Variants in TUSC3 observed in about 807,000 individuals in gnomAD.
TUSC3 encodes dolichyl-diphosphooligosaccharide--protein glycosyltransferase subunit TUSC3.
A neutral mutation model predicts 44.8 loss-of-function variants in TUSC3; 45 were observed. That is an observed-to-expected ratio of 1.00 (90% CI 0.79 to 1.29). The LOEUF is 1.29. TUSC3 is among the 50% of genes most tolerant of loss of function. The pLI, the probability that TUSC3 is intolerant of heterozygous loss-of-function variation, is 0.00. For missense variants in TUSC3, 519 were observed against 437.9 expected, an observed-to-expected ratio of 1.19 and a Z score of -1.65; for synonymous variants, 212 against 152.9, an observed-to-expected ratio of 1.39 and a Z score of -2.85.
At chr8:15,700,171 G>C (rs1034227735) in intron 6 of TUSC3, among the ~76,000 whole-genome samples, 1 of 152,142 alleles carries the variant, frequency 6.6e-6, no homozygotes, top group African/African-American at 2.4e-5. Context: ...TCTGGGTCCA[G>C]AAAGCCAGTT....
the TUSC3 span, among the ~76,000 whole-genome samples, chr8:15,812,792 C>A: frequency 0.91 from 138,672 of 151,978 alleles, 63,384 homozygotes; most frequent in East Asian, 0.95. Flanking sequence ...GATTTTATAT[C>A]ATATGAAGAA....
chr8:15,718,825 A>C (rs188684484), intron 6 of TUSC3, among the ~76,000 whole-genome samples: 3 of 152,204 alleles, frequency 2.0e-5, no homozygotes, highest in East Asian at 3.9e-4. Flanking sequence ...TGGACATTAA[A>C]ATAACTAAAT....
In TUSC3 at chr8:15,757,728, G is replaced by T. The variant is rs938813176; in HGVS notation, c.1029-63G>T. ...ATCTTGTAATAATATTGTACAAATG[G>T]AAATTCAATCTTAAGGATTATTTTT... is the stretch of plus-strand genomic sequence containing the variant. On this transcript the variant is annotated intron_variant, in intron 9 of 10. Coordinates refer to ENST00000503731, the MANE Select transcript of TUSC3 (RefSeq NM_006765.4). 7 of 1,474,076 alleles carry T rather than the reference G, an allele frequency of 4.7e-6. No individual in the cohort carries two copies. In the African/African-American group the frequency reaches 9.7e-5, roughly 21 times the overall value. 91.3% of individuals were successfully genotyped at this position (1,474,076 alleles called of 1,614,324 possible). A position where few individuals can be genotyped will look rare whatever the true frequency, so the allele number is the denominator to read the frequency against.
At position 15,764,183 on chromosome 8, in the gene TUSC3, T is replaced by C; in HGVS notation, c.*47-20T>C. 6.3e-7 allele frequency: 1 copy of C among 1,595,816 alleles called. No individual in the cohort carries two copies. Among genetic ancestry groups the C allele is most frequent in the East Asian group, 2.2e-5 (1 of 44,508 alleles). On this transcript the variant is annotated intron_variant, in intron 10 of 10. Coordinates refer to ENST00000503731, the MANE Select transcript of TUSC3 (RefSeq NM_006765.4). ...CTTATGTTCTATGTTCAGCACATAA[T>C]AATTTTCTTTCTTTTTCAGCTTTTT...
chr8:15,484,155 C>G (rs762290094), intron 2 of TUSC3, among the ~76,000 whole-genome samples: 3 of 151,930 alleles, frequency 2.0e-5, no homozygotes, highest in Non-Finnish European at 4.4e-5. Context: ...CATGATTCAC[C>G]TCTTAAATTA....
chr8:15,577,132 GT>G (rs1438749739), intron 1 of TUSC3, among the ~76,000 whole-genome samples: 1 of 146,650 alleles, frequency 6.8e-6, no homozygotes, highest in African/African-American at 2.5e-5. Context: ...GTCTGTTCAT[GT>G]CCTTTGCCCA....
At chr8:15,695,132 G>C (rs943023993) in intron 6 of TUSC3, among the ~76,000 whole-genome samples, 1 of 152,194 alleles carries the variant, frequency 6.6e-6, no homozygotes, top group African/African-American at 2.4e-5. Context: ...GAAAGATCGG[G>C]TACAGGAAGG....
At chr8:15,835,271 A>C in the TUSC3 span, among the ~76,000 whole-genome samples, 1 of 152,170 alleles carries the variant, frequency 6.6e-6, no homozygotes, top group Non-Finnish European at 1.5e-5. Context: ...GATTCTTAGA[A>C]TATCTTCTAT....
At chr8:15,558,218 T>C (rs929888386) in intron 1 of TUSC3, among the ~76,000 whole-genome samples, 1 of 44,790 alleles carries the variant, frequency 2.2e-5, no homozygotes, top group African/African-American at 5.9e-5. Context: ...GCATGAAGGG[T>C]TGTTGAATTT....
At chr8:15,707,834 A>C (rs1186043328) in intron 6 of TUSC3, among the ~76,000 whole-genome samples, 1 of 151,950 alleles carries the variant, frequency 6.6e-6, no homozygotes, top group Non-Finnish European at 1.5e-5. Flanking sequence ...GCTGAAGTAC[A>C]AAATCAAAAG....
chr8:15,726,289 A>T (rs950569399), intron 6 of TUSC3, among the ~76,000 whole-genome samples: 1 of 152,148 alleles, frequency 6.6e-6, no homozygotes, highest in African/African-American at 2.4e-5. Flanking sequence ...TATTAAACAA[A>T]ATATATAATT....
chr8:15,648,599 G>T (rs1177722595), intron 2 of TUSC3, among the ~76,000 whole-genome samples: 1 of 151,504 alleles, frequency 6.6e-6, no homozygotes, highest in African/African-American at 2.4e-5. Flanking sequence ...GGTGGCACAC[G>T]CCTGTAGTCC....
intron 1 of TUSC3, among the ~76,000 whole-genome samples, chr8:15,584,575 CTG>C (rs1803516363): frequency 6.6e-6 from 1 of 152,070 alleles, no homozygotes; most frequent in Non-Finnish European, 1.5e-5. Flanking sequence ...AATAAGAAGT[CTG>C]TATCTCTGAA....
rs762581732 is a variant in TUSC3, at chr8:15,496,090, A to T, written n.189+12607A>T. On this transcript the variant is annotated intron_variant and non_coding_transcript_variant, in intron 2 of 5. Coordinates refer to the TUSC3 transcript ENST00000503191. ...TAATAGACTCAACTTTGTCCTGTAG[A>T]GGAAAGCCACGACCACTAAAATTAG... Among the ~76,000 whole-genome samples, 3 of 152,104 alleles carry T rather than the reference A, an allele frequency of 2.0e-5. No homozygotes were observed. The South Asian group carries it at 6.2e-4, about 32-fold the overall frequency.
At chr8:15,689,246 G>T in intron 6 of TUSC3, 1 of 352,830 alleles carries the variant, frequency 2.8e-6, no homozygotes, top group Non-Finnish European at 5.6e-6. Flanking sequence ...TTTCAGGCTG[G>T]ATGGGAATCG....
intron 1 of TUSC3, among the ~76,000 whole-genome samples, chr8:15,564,515 C>T (rs1202058512): frequency 2.0e-5 from 3 of 152,078 alleles, no homozygotes; most frequent in Non-Finnish European, 4.4e-5. Flanking sequence ...TCTATTTGAA[C>T]ACATTTGTCA....
At chr8:15,453,765 G>T (rs1430953599) in intron 1 of TUSC3, among the ~76,000 whole-genome samples, 2 of 152,098 alleles carry the variant, frequency 1.3e-5, no homozygotes, top group East Asian at 1.9e-4. Context: ...GCGGGAGAGG[G>T]CTCCCCCTAC....
chr8:15,733,438 C>G, intron 7 of TUSC3: 1 of 378,636 alleles, frequency 2.6e-6, no homozygotes, highest in Non-Finnish European at 5.2e-6. Flanking sequence ...ACTATCGAAA[C>G]ACATCAGGAA....
chr8:15,457,297 C>T (rs1429856469), intron 1 of TUSC3, among the ~76,000 whole-genome samples: 1 of 151,076 alleles, frequency 6.6e-6, no homozygotes, highest in South Asian at 2.1e-4. Flanking sequence ...GCACAAGTAC[C>T]CTAGAACTTA....
Sources: allele counts gnomAD v4.1 joint callset (sites outside exome capture counted in the v4.1 genomes callset), GRCh38; gene constraint gnomAD v4.1.1; transcripts MANE v1.5; gene names NCBI Gene and HGNC (gene_info 2026-07-23, HGNC 2026-07-21).